The following TMEM44 variants were observed in gnomAD, a reference collection of about 807,000 sequenced individuals.
TMEM44 encodes the protein transmembrane protein 44.
TMEM44 carries 43 observed loss-of-function variants against 47.8 expected under a neutral mutation model. The ratio of observed to expected loss-of-function variants is 0.90; its 90% CI spans 0.70 to 1.16. The LOEUF (loss-of-function observed/expected upper bound fraction) is 1.16. TMEM44 is among the 50% of genes most tolerant of loss of function. The pLI is 0.00. For synonymous variants in TMEM44, 277 were observed against 238.8 expected, an observed-to-expected ratio of 1.16 and a Z score of -1.48; for missense variants, 568 against 555.2, an observed-to-expected ratio of 1.02 and a Z score of -0.23.
chr3:194,615,058 G>A (rs932535103), intron 7 of TMEM44, among the ~76,000 whole-genome samples: 2 of 152,014 alleles, frequency 1.3e-5, no homozygotes, highest in Non-Finnish European at 2.9e-5. Context: ...CCAACATGGT[G>A]AAACCCCATC....
intron 1 of TMEM44, among the ~76,000 whole-genome samples, chr3:194,632,225 C>A (rs144288235): frequency 2.6e-3 from 393 of 152,328 alleles, no homozygotes; most frequent in African/African-American, 8.8e-3. Context: ...AGTAAATGTT[C>A]TAGGCGTCTT....
chr3:194,613,515 G>A (rs1208289096), intron 7 of TMEM44, among the ~76,000 whole-genome samples: 3 of 149,932 alleles, frequency 2.0e-5, no homozygotes, highest in South Asian at 2.1e-4. Flanking sequence ...TTTTCGAGAC[G>A]GAGTTTTGCT....
intron 5 of TMEM44, among the ~76,000 whole-genome samples, chr3:194,621,415 C>T (rs12491529): frequency 0.098 from 14,863 of 152,188 alleles, 1,092 homozygotes; most frequent in East Asian, 0.33. Flanking sequence ...GAGCTACTAC[C>T]GGCGGTCAGG....
intron 5 of TMEM44, among the ~76,000 whole-genome samples, chr3:194,621,400 C>CT (rs1228484898): frequency 6.6e-6 from 1 of 152,108 alleles, no homozygotes; most frequent in Non-Finnish European, 1.5e-5. Flanking sequence ...TACGACAGCC[C>CT]TAGGGAGCTA....
chr3:194,593,009 T>C (rs1340144035), intron 9 of TMEM44: 2 of 1,613,220 alleles, frequency 1.2e-6, no homozygotes, highest in South Asian at 2.2e-5. Flanking sequence ...AGGAAGTCCC[T>C]CCTGGAAGAG....
chr3:194,630,365 C>G (rs1717664244), intron 1 of TMEM44, among the ~76,000 whole-genome samples: 1 of 111,632 alleles, frequency 9.0e-6, no homozygotes, highest in African/African-American at 3.7e-5. Context: ...GCTGTCGTAC[C>G]TGCCTCCCGA....
chr3:194,623,086 G>T, intron 5 of TMEM44, 138 bp downstream of exon 5: 1 of 793,206 alleles, frequency 1.3e-6, no homozygotes, highest in Non-Finnish European at 1.9e-6. Context: ...ACACACTAAC[G>T]CTCTTCAGGA....
rs1465717765 is a variant in TMEM44 at position 194,623,223 on chromosome 3, C to A, written c.612+1G>T. Reference sequence around the variant, plus strand: ...AGTCCCATCCCCACCCCCGGCCTCACAATTCTGGAGAGAGGGGGGATCCGA... The same window carrying A: ...AGTCCCATCCCCACCCCCGGCCTCAAAATTCTGGAGAGAGGGGGGATCCGA... On this transcript the variant is annotated splice_donor_variant, in intron 5 of 9. Transcript: ENST00000347147. LOFTEE classifies it high-confidence loss of function. 2 of 1,607,090 alleles carry A rather than the reference C, an allele frequency of 1.2e-6. No individual in the cohort carries two copies. The highest frequency in any genetic ancestry group is 1.7e-6 in the Non-Finnish European group (2 of 1,176,784).
intron 9 of TMEM44, among the ~76,000 whole-genome samples, chr3:194,600,502 A>C (rs900974260): frequency 6.6e-6 from 1 of 151,738 alleles, no homozygotes; most frequent in African/African-American, 2.4e-5. Flanking sequence ...TAATCCCAGC[A>C]CTTTGGGAGG....
intron 7 of TMEM44, among the ~76,000 whole-genome samples, chr3:194,614,838 A>G (rs1003812201): frequency 1.3e-5 from 2 of 152,274 alleles, no homozygotes; most frequent in Non-Finnish European, 2.9e-5. Flanking sequence ...AATATAAGCC[A>G]TTAAGTGACC....
At chr3:194,615,780 C>T (rs1224657151) in intron 6 of TMEM44, 83 bp from the exon 7 acceptor site, 1 of 1,530,704 alleles carries the variant, frequency 6.5e-7, no homozygotes, top group Non-Finnish European at 8.9e-7. Flanking sequence ...CATGCTGCCA[C>T]CCCCCTCCCC....
At chr3:194,625,824 T>C (rs1773190) in intron 3 of TMEM44, 73 bp downstream of exon 3, 1,093,095 of 1,350,432 alleles carry the variant, frequency 0.81, 444,369 homozygotes, top group East Asian at 0.96. Flanking sequence ...CTGGGAGTGA[T>C]AAGGAGTAGG....
chr3:194,594,740 C>T (rs190971575), intron 9 of TMEM44, among the ~76,000 whole-genome samples: 2 of 151,982 alleles, frequency 1.3e-5, no homozygotes, highest in East Asian at 3.9e-4. Flanking sequence ...GTTAACTTAG[C>T]GAAAAAGTTT....
At chr3:194,600,564 T>A (rs751854057) in intron 9 of TMEM44, among the ~76,000 whole-genome samples, 1 of 151,974 alleles carries the variant, frequency 6.6e-6, no homozygotes, top group East Asian at 2.0e-4. Flanking sequence ...TTGGCCAACA[T>A]GGTGAAACCT....
chr3:194,610,488 AAG>A (rs1715201344), intron 8 of TMEM44, among the ~76,000 whole-genome samples: 1 of 152,142 alleles, frequency 6.6e-6, no homozygotes, highest in African/African-American at 2.4e-5. Context: ...CTGCACCAGG[AAG>A]AGAGCTACTT....
intron 7 of TMEM44, among the ~76,000 whole-genome samples, chr3:194,614,723 A>C (rs1715693718): frequency 6.6e-6 from 1 of 152,240 alleles, no homozygotes; most frequent in Non-Finnish European, 1.5e-5. Flanking sequence ...CACATTATTT[A>C]AAAATGAATA....
intron 9 of TMEM44, among the ~76,000 whole-genome samples, chr3:194,601,340 C>T (rs1814821): frequency 0.5 from 74,398 of 148,980 alleles, 20,436 homozygotes; most frequent in East Asian, 0.77. Context: ...GTTTCGCTCT[C>T]GCTGCCCAGG....
chr3:194,600,060 C>T (rs775535999), intron 9 of TMEM44, among the ~76,000 whole-genome samples: 1 of 151,598 alleles, frequency 6.6e-6, no homozygotes, highest in African/African-American at 2.4e-5. Flanking sequence ...AAGCCCAGCC[C>T]CTTTTCCAAA....
intron 7 of TMEM44, among the ~76,000 whole-genome samples, chr3:194,612,617 C>CAAA (rs34561970): frequency 6.4e-5 from 9 of 141,634 alleles, no homozygotes; most frequent in African/African-American, 2.1e-4. Flanking sequence ...GAGTTTTTTC[C>CAAA]AAAAAAAAAA....
Sources: gnomAD v4.1 joint callset for allele counts (sites outside exome capture counted in the v4.1 genomes callset) on GRCh38, gnomAD v4.1.1 for gene constraint, MANE v1.5 for transcripts, NCBI Gene and HGNC (gene_info 2026-07-23, HGNC 2026-07-21) for gene names.